The following NCF4 variants were observed in gnomAD, a reference collection of about 807,000 sequenced individuals.
NCF4 encodes neutrophil cytosol factor 4.
A neutral mutation model predicts 41.7 loss-of-function variants in NCF4; 30 were observed. The observed-to-expected ratio is 0.72, with a 90% CI of 0.54 to 0.97. The LOEUF is 0.97. Among genes scored for constraint, NCF4 ranks in the 50% least tolerant of loss-of-function variants. The probability of loss-of-function intolerance (pLI) is 0.00; values close to 1 mark genes in which losing one functional copy is unlikely to be tolerated. For synonymous variants in NCF4, 195 were observed against 175.8 expected (o/e 1.11, Z -0.87); for missense variants, 432 against 460.9 (o/e 0.94, Z 0.57).
At chr22:36,867,822 T>C (rs962599823) in intron 4 of NCF4, among the ~76,000 whole-genome samples, 5 of 152,168 alleles carry the variant, frequency 3.3e-5, no homozygotes, top group Non-Finnish European at 5.9e-5. Context: ...TGCCAACAGG[T>C]GGATCATAAG....
At chr22:36,863,931 A>G in intron 1 of NCF4, 114 bp from the exon 2 acceptor site, 1 of 991,296 alleles carries the variant, frequency 1.0e-6, no homozygotes, top group Non-Finnish European at 1.6e-6. Context: ...GGGTGCTGAG[A>G]GACGAATGTT....
chr22:36,871,903 T>C (rs1940066338), intron 6 of NCF4, among the ~76,000 whole-genome samples, 194 bp downstream of exon 6: 1 of 152,228 alleles, frequency 6.6e-6, no homozygotes, highest in Non-Finnish European at 1.5e-5. Flanking sequence ...GGGGAGGGCA[T>C]GTGACCAGCG....
chr22:36,862,464 T>C (rs558166038), intron 1 of NCF4, among the ~76,000 whole-genome samples: 19 of 152,256 alleles, frequency 1.2e-4, no homozygotes, highest in African/African-American at 3.9e-4. Flanking sequence ...ACTCGAATCT[T>C]CCGGAAGCAG....
At position 36,870,496 on chromosome 22, in the gene NCF4, C is replaced by A; in HGVS notation, c.424C>A (p.Gln142Lys). 1 of 1,613,746 alleles carries A rather than the reference C, an allele frequency of 6.2e-7. No homozygotes were observed. The stretch of plus-strand genomic sequence containing the variant: ...TTACCAGTCGCCCTATGACTCAGAG[C>A]AGGTGCCCCAGGCACTCCGCCGGCT... ...FFYQSPYDSEQVPQALRRLRP... is the reference protein window; with the variant it reads ...FFYQSPYDSEKVPQALRRLRP... The change falls in exon 5 of 10, where the codon CAG (glutamine) becomes AAG (lysine). Residue 142 changes from glutamine (Q) to lysine (K), a missense_variant. Coordinates refer to ENST00000248899, the MANE Select transcript of NCF4 (RefSeq NM_000631.5).
At chr22:36,864,184 A>T in intron 2 of NCF4, 55 bp downstream of exon 2, 1 of 1,357,790 alleles carries the variant, frequency 7.4e-7, no homozygotes, top group Non-Finnish European at 1.0e-6. Flanking sequence ...CACCCAGCTG[A>T]CCTCTGAACC....
chr22:36,874,066 A>ATTAC (rs1940140951), intron 7 of NCF4, among the ~76,000 whole-genome samples: 1 of 152,210 alleles, frequency 6.6e-6, no homozygotes, highest in Non-Finnish European at 1.5e-5. Flanking sequence ...GGAAAGGGTA[A>ATTAC]AGGAGGTGGT....
At chr22:36,872,176 TA>T (rs1465840952) in intron 6 of NCF4, 150 bp from the exon 7 acceptor site, 2 of 747,376 alleles carry the variant, frequency 2.7e-6, no homozygotes, top group Middle Eastern at 2.6e-4. Context: ...GCTCCTCCAC[TA>T]AAAAATGGGG....
intron 1 of NCF4, among the ~76,000 whole-genome samples, chr22:36,863,556 C>T (rs1465815347): frequency 1.7e-4 from 2 of 11,430 alleles, no homozygotes; most frequent in Non-Finnish European, 3.3e-4. Context: ...CATCACGTTC[C>T]ACCTCCTGCT....
chr22:36,872,945 AGATTGGAGGTG>A (rs1161677044), intron 7 of NCF4, among the ~76,000 whole-genome samples: 62 of 130,732 alleles, frequency 4.7e-4, no homozygotes, highest in African/African-American at 2.4e-3. Context: ...GATGGAGGTG[AGATTGGAGGTG>A]AGATTGGAGG....
intron 1 of NCF4, among the ~76,000 whole-genome samples, chr22:36,861,940 C>T (rs904009075): frequency 6.6e-6 from 1 of 152,200 alleles, no homozygotes; most frequent in Non-Finnish European, 1.5e-5. Context: ...TCTAGTCCAA[C>T]CTTGCCATTG....
In NCF4 at chr22:36,865,052, G is replaced by T. The variant is rs1185597346; in HGVS notation, c.251G>T (p.Cys84Phe). 1.9e-6 allele frequency: 3 copies of T among 1,612,184 alleles called. No homozygotes were observed. Among genetic ancestry groups the T allele is most frequent in the Non-Finnish European group, 2.5e-6 (3 of 1,179,990 alleles). ...GACAGCAAGAGCAGTGCCCTGGCCT[G>T]TACCCTGCCCACACTCCCAGGTAGG... ...GPDSKSSALACTLPTLPAKVY... is the reference protein window; with the variant it reads ...GPDSKSSALAFTLPTLPAKVY... Residue 84 changes from cysteine (C) to phenylalanine (F), a missense_variant, in exon 3 of 10, where the codon TGT becomes TTT. Cys to Phe is a radical substitution (Grantham distance 205, BLOSUM62 -2). Coordinates refer to ENST00000248899, the MANE Select transcript of NCF4 (RefSeq NM_000631.5). This position sits in a 1 kb window ranked among gnomAD's most constrained non-coding sequence, Gnocchi z 4.3.
chr22:36,867,849 T>C (rs547677606), intron 4 of NCF4, among the ~76,000 whole-genome samples: 105 of 152,284 alleles, frequency 6.9e-4, no homozygotes, highest in Non-Finnish European at 1.1e-3. Context: ...CGGAGACATA[T>C]GTGTGCCTCC....
intron 1 of NCF4, among the ~76,000 whole-genome samples, chr22:36,863,408 T>C (rs1939831626): frequency 1.3e-5 from 2 of 151,516 alleles, no homozygotes; most frequent in African/African-American, 4.9e-5. Flanking sequence ...GCTGCGCCTA[T>C]GCCTCGAGCA....
intron 1 of NCF4, 150 bp downstream of exon 1, chr22:36,861,353 C>G: frequency 9.5e-7 from 1 of 1,049,034 alleles, no homozygotes; most frequent in Non-Finnish European, 1.4e-6. Context: ...CCTCTCAGAA[C>G]TGCTTTAACG....
Position 36,865,666 on chromosome 22 carries a change from C to G in NCF4, c.271+594C>G, listed in dbSNP as rs36040817. Reference sequence around the variant, plus strand: ...GCCCTTAGCTGCTCAGCACCTGCCCCGCAGGAGGAAACCCCATCACGAATG... The same window carrying G: ...GCCCTTAGCTGCTCAGCACCTGCCCGGCAGGAGGAAACCCCATCACGAATG... On this transcript the variant is annotated intron_variant, in intron 3 of 9. Coordinates refer to ENST00000248899, the MANE Select transcript of NCF4 (RefSeq NM_000631.5). The surrounding 1 kb of genome is among the most constrained non-coding windows in gnomAD (Gnocchi z 4.3). Among the ~76,000 whole-genome samples, 9 of 152,144 alleles carry G rather than the reference C, an allele frequency of 5.9e-5. No homozygotes were observed. Among genetic ancestry groups the G allele is most frequent in the South Asian group, 2.1e-4 (1 of 4,828 alleles).
intron 6 of NCF4, 116 bp from the exon 7 acceptor site, chr22:36,872,211 C>A (rs770112965): frequency 1.1e-6 from 1 of 889,020 alleles, no homozygotes; most frequent in Non-Finnish European, 1.9e-6. Context: ...GTCGCTTATT[C>A]TCCCCAAGCC....
In NCF4 at chr22:36,864,075, C is replaced by T. The variant is rs34373276; in HGVS notation, c.63C>T (p.Ala21=). The change falls in exon 2 of 10, where the codon GCC becomes GCT. Residue 21 remains alanine, a synonymous_variant. Transcript: ENST00000248899. ...TTGAACAGCTTCCGGATGATGTTGC[C>T]ATCTCGGCCAACATTGCTGACATCG... ...SDFEQLPDDV[A]ISANIADIEE... The T allele has an allele frequency of 4.9e-3, 7,889 of 1,614,132 alleles. 340 individuals carry two copies. In the African/African-American group the frequency reaches 0.092, roughly 19 times the overall value.
At chr22:36,869,578 G>A (rs1159430168) in intron 4 of NCF4, among the ~76,000 whole-genome samples, 3 of 152,152 alleles carry the variant, frequency 2.0e-5, no homozygotes, top group Non-Finnish European at 4.4e-5. Context: ...GCAGGGCTCT[G>A]GGTGCCTCTG....
chr22:36,877,590 C>G (rs755670142), intron 9 of NCF4, 38 bp from the exon 10 acceptor site: 16 of 1,611,144 alleles, frequency 9.9e-6, no homozygotes, highest in Admixed American at 1.7e-5. Flanking sequence ...CTACCTTACG[C>G]TTAGGCCCTT....
Sources: allele counts gnomAD v4.1 joint callset (sites outside exome capture counted in the v4.1 genomes callset), GRCh38; gene constraint gnomAD v4.1.1; non-coding constraint Gnocchi (gnomAD v3.1); transcripts MANE v1.5; gene names NCBI Gene and HGNC (gene_info 2026-07-23, HGNC 2026-07-21).